PIK3R4: variants seen among roughly 807,000 people sequenced by gnomAD.
PIK3R4 encodes phosphoinositide 3-kinase regulatory subunit 4.
In PIK3R4, 46 loss-of-function variants were observed where a neutral mutation model predicts 136.5. The observed-to-expected ratio is 0.34, with a 90% CI of 0.27 to 0.43. The LOEUF is 0.43. Ranked by LOEUF, PIK3R4 falls within the 20% of genes least tolerant of loss-of-function variation. The pLI is 1.00. For synonymous variants in PIK3R4, 557 were observed against 566.7 expected, an observed-to-expected ratio of 0.98 and a Z score of 0.24; for missense variants, 1,331 against 1,649.5, an observed-to-expected ratio of 0.81 and a Z score of 3.35.
At chr3:130,728,257 G>A (rs773927478) in intron 6 of PIK3R4, among the ~76,000 whole-genome samples, 5 of 151,970 alleles carry the variant, frequency 3.3e-5, no homozygotes, top group African/African-American at 4.8e-5. Flanking sequence ...TCCTTCATAC[G>A]GATGTAACAC....
intron 19 of PIK3R4, 142 bp from the exon 20 acceptor site, chr3:130,679,627 A>G: frequency 1.8e-6 from 1 of 551,040 alleles, no homozygotes; most frequent in Non-Finnish European, 3.2e-6. Context: ...GAATACATTG[A>G]GCAAAAGGAG....
intron 13 of PIK3R4, among the ~76,000 whole-genome samples, chr3:130,690,897 T>TC (rs2107602065): frequency 6.7e-6 from 1 of 149,226 alleles, no homozygotes; most frequent in Non-Finnish European, 1.5e-5. Flanking sequence ...TTCTCCTCTT[T>TC]TTTTTTTTTT....
chr3:130,733,724 A>C lies in PIK3R4; in HGVS notation c.1274T>G (p.Phe425Cys). 1 of 1,614,222 alleles carries C rather than the reference A, an allele frequency of 6.2e-7. No individual in the cohort carries two copies. Among genetic ancestry groups the C allele is most frequent in the Non-Finnish European group, 8.5e-7 (1 of 1,180,020 alleles). The change falls in exon 4 of 20, where the codon TTC (phenylalanine) becomes TGC (cysteine). Residue 425 changes from phenylalanine to cysteine, a missense_variant. Around this residue, in one of 2 missense-constraint regions of PIK3R4, gnomAD observed 1,180 missense variants for 1,407.0 expected, o/e 0.84. Coordinates refer to ENST00000356763, the MANE Select transcript of PIK3R4 (RefSeq NM_014602.3). Reference sequence around the variant, plus strand: ...CACCCTAGGAACAGAGTCATTGCTGAAATGCAAAAGATATGGAGTAATACG... The same window carrying C: ...CACCCTAGGAACAGAGTCATTGCTGCAATGCAAAAGATATGGAGTAATACG... ...LDRITPYLLHFSNDSVPRVRA... is the reference protein window; with the variant it reads ...LDRITPYLLHCSNDSVPRVRA...
chr3:130,680,938 TA>T (rs2066454490), intron 18 of PIK3R4, 38 bp downstream of exon 18: 1 of 1,041,342 alleles, frequency 9.6e-7, no homozygotes, highest in Non-Finnish European at 1.5e-6. Flanking sequence ...TAACAGCTTG[TA>T]AAAGTATCCA....
chr3:130,692,164 C>A (rs1375791221), intron 13 of PIK3R4, among the ~76,000 whole-genome samples: 1 of 152,086 alleles, frequency 6.6e-6, no homozygotes, highest in East Asian at 1.9e-4. Flanking sequence ...TGTGAGCCAC[C>A]ACACCTGGCC....
intron 15 of PIK3R4, among the ~76,000 whole-genome samples, chr3:130,685,120 C>T (rs1025239364): frequency 1.3e-5 from 2 of 151,992 alleles, no homozygotes; most frequent in Non-Finnish European, 2.9e-5. Context: ...GAGGGAAAAA[C>T]GCGAAACTTA....
chr3:130,726,337 A>G (rs1433971002), intron 6 of PIK3R4, among the ~76,000 whole-genome samples: 1 of 152,144 alleles, frequency 6.6e-6, no homozygotes, highest in Admixed American at 6.5e-5. Context: ...GTAATATAAT[A>G]TATACATAGC....
chr3:130,730,916 C>T (rs985826657), intron 4 of PIK3R4, among the ~76,000 whole-genome samples: 1 of 152,190 alleles, frequency 6.6e-6, no homozygotes, highest in South Asian at 2.1e-4. Flanking sequence ...TGTTTCTTCA[C>T]ATATAAATGA....
chr3:130,719,257 A>T (rs1404340066), intron 7 of PIK3R4, among the ~76,000 whole-genome samples: 1 of 152,202 alleles, frequency 6.6e-6, no homozygotes, highest in Non-Finnish European at 1.5e-5. Context: ...TCGACATTAG[A>T]CTAACCTGAT....
chr3:130,690,728 G>T, intron 13 of PIK3R4, 74 bp from the exon 14 acceptor site: 1 of 858,492 alleles, frequency 1.2e-6, no homozygotes, highest in Non-Finnish European at 1.8e-6. Context: ...ATGGCCATTA[G>T]CAAGCAAAAT....
intron 6 of PIK3R4, among the ~76,000 whole-genome samples, chr3:130,727,547 C>T (rs1336145018): frequency 6.6e-6 from 1 of 152,118 alleles, no homozygotes; most frequent in Non-Finnish European, 1.5e-5. Flanking sequence ...GCTTCTGCTG[C>T]CTCACAAGAA....
At chr3:130,690,111 C>T (rs1197860594) in intron 14 of PIK3R4, among the ~76,000 whole-genome samples, 1 of 152,282 alleles carries the variant, frequency 6.6e-6, no homozygotes, top group South Asian at 2.1e-4. Context: ...ATGAAGAACA[C>T]TCACATTCTC....
Position 130,705,606 on chromosome 3 carries a change from G to T in PIK3R4, c.2887C>A (p.Gln963Lys), listed in dbSNP as rs1479699560. 6.2e-7 allele frequency: 1 copy of T among 1,613,828 alleles called. No homozygotes were observed. The change falls in exon 12 of 20, where the codon CAG becomes AAG. Residue 963 changes from glutamine (Q) to lysine (K), a missense_variant. Gln to Lys is a moderately conservative substitution (Grantham distance 53). Coordinates refer to ENST00000356763, the MANE Select transcript of PIK3R4 (RefSeq NM_014602.3). Reference sequence around the variant, plus strand: ...TCCCATTCAGCATTTTCCATCATCTGCTTAGCTATTCTCTCAGCATTGCAC... The same window carrying T: ...TCCCATTCAGCATTTTCCATCATCTTCTTAGCTATTCTCTCAGCATTGCAC... The part of the protein sequence containing the change: ...EQCNAERIAK[Q>K]MMENAEWESK...
rs55657005 is a variant in PIK3R4, at chr3:130,723,415, A to G, written c.1980T>C (p.Ile660=). The change falls in exon 7 of 20, where the codon ATT becomes ATC. Residue 660 remains isoleucine (I), a splice_region_variant and synonymous_variant. Coordinates refer to ENST00000356763, the MANE Select transcript of PIK3R4 (RefSeq NM_014602.3). ...TAATTTTGAGAAACAGAAACTTACC[A>G]ATATCACTGGCAAATTCGTAAACAT... The part of the protein sequence containing the change: ...KPHVYEFASD[I]APFLCHPNLW... 7.8e-3 allele frequency: 12,429 copies of G among 1,599,488 alleles called. 188 individuals are homozygous for G. The highest frequency in any genetic ancestry group is 0.063 in the East Asian group (2,801 of 44,632).
intron 6 of PIK3R4, among the ~76,000 whole-genome samples, chr3:130,724,770 A>G (rs992558984): frequency 1.3e-5 from 2 of 152,072 alleles, no homozygotes; most frequent in African/African-American, 4.8e-5. Flanking sequence ...CAAAAACTGA[A>G]AAGAGAAGAA....
At chr3:130,724,481 T>A (rs573038151) in intron 6 of PIK3R4, among the ~76,000 whole-genome samples, 1 of 152,250 alleles carries the variant, frequency 6.6e-6, no homozygotes, top group Non-Finnish European at 1.5e-5. Flanking sequence ...TTCATAATCA[T>A]GTATTTTGTT....
intron 2 of PIK3R4, among the ~76,000 whole-genome samples, chr3:130,742,928 T>C (rs1226484571): frequency 1.3e-5 from 2 of 152,190 alleles, no homozygotes; most frequent in Non-Finnish European, 2.9e-5. Context: ...TGAAATAATA[T>C]ATAGGAATGA....
intron 2 of PIK3R4, among the ~76,000 whole-genome samples, chr3:130,742,797 C>T (rs1044581868): frequency 2.0e-5 from 3 of 152,108 alleles, no homozygotes; most frequent in African/African-American, 7.2e-5. Flanking sequence ...AAAATGGCAC[C>T]GATGCCAGAT....
chr3:130,738,047 T>A (rs987739585), intron 2 of PIK3R4, among the ~76,000 whole-genome samples: 2 of 152,328 alleles, frequency 1.3e-5, no homozygotes, highest in Admixed American at 1.3e-4. Flanking sequence ...TCTCTATTCA[T>A]TGAAAAATCT....
Sources: gnomAD v4.1 joint callset for allele counts (sites outside exome capture counted in the v4.1 genomes callset) on GRCh38, gnomAD v4.1.1 for gene constraint, gnomAD v4.1.1 regional missense constraint, MANE v1.5 for transcripts, NCBI Gene and HGNC (gene_info 2026-07-23, HGNC 2026-07-21) for gene names.